Variants in SPIDR observed in about 807,000 individuals in gnomAD.
SPIDR encodes the protein DNA repair-scaffolding protein.
In SPIDR, 93 loss-of-function variants were observed where a neutral mutation model predicts 104.6. That is an observed-to-expected ratio of 0.89 (90% CI 0.75 to 1.06). The LOEUF (loss-of-function observed/expected upper bound fraction) is 1.06. SPIDR is among the 50% of genes least tolerant of loss of function. The pLI is 0.00. For missense variants in SPIDR, 1,154 were observed against 1,111.2 expected, an observed-to-expected ratio of 1.04 and a Z score of -0.55; for synonymous variants, 431 against 416.9, an observed-to-expected ratio of 1.03 and a Z score of -0.41.
chr8:47,441,910 T>C (rs1279301709), intron 8 of SPIDR, among the ~76,000 whole-genome samples: 5 of 152,208 alleles, frequency 3.3e-5, no homozygotes, highest in African/African-American at 1.2e-4. Flanking sequence ...ATTCTGTTTT[T>C]TCTTCATACA....
chr8:47,416,391 G>A (rs1186916047), intron 7 of SPIDR, among the ~76,000 whole-genome samples: 8 of 152,122 alleles, frequency 5.3e-5, no homozygotes, highest in African/African-American at 1.9e-4. Flanking sequence ...GTATTCCATG[G>A]TACAAATGTG....
At chr8:47,329,770 C>T (rs782501963) in intron 5 of SPIDR, among the ~76,000 whole-genome samples, 6 of 152,038 alleles carry the variant, frequency 3.9e-5, no homozygotes, top group Non-Finnish European at 8.8e-5. Context: ...TTAGATGACC[C>T]TTCTTATTTA....
In SPIDR at chr8:47,407,877, A is replaced by G. The variant is rs782639778; in HGVS notation, c.793A>G (p.Arg265Gly). Residue 265 changes from arginine (R) to glycine (G), a missense_variant, in exon 7 of 20, where the codon AGA (arginine) becomes GGA (glycine). Arg to Gly is a moderately radical substitution (Grantham distance 125). Transcript: ENST00000297423. The part of the protein sequence containing the change: ...KKLLRGGLAE[R>G]LNGLQNRERS... ...ATTAAACAGAGGTGGACTAGCAGAAAGACTAAATGGACTGCAGAATCGAGA... is the reference window on the plus strand; with the variant it reads ...ATTAAACAGAGGTGGACTAGCAGAAGGACTAAATGGACTGCAGAATCGAGA... The G allele has an allele frequency of 7.5e-6, 12 of 1,598,124 alleles. No homozygotes were observed. The highest frequency in any genetic ancestry group is 3.4e-5 in the Admixed American group (2 of 59,046).
intron 5 of SPIDR, among the ~76,000 whole-genome samples, chr8:47,381,408 T>C (rs1311040603): frequency 1.3e-5 from 2 of 152,332 alleles, no homozygotes; most frequent in East Asian, 3.9e-4. Flanking sequence ...ATTTTTGTTG[T>C]TGCTCTTACC....
At chr8:47,669,836 C>T (rs2075555929) in intron 10 of SPIDR, among the ~76,000 whole-genome samples, 3 of 152,196 alleles carry the variant, frequency 2.0e-5, no homozygotes, top group Admixed American at 2.0e-4. Flanking sequence ...CCCGTCTCTA[C>T]TAAAAATACA....
chr8:47,588,597 G>T (rs1200459743), intron 8 of SPIDR, among the ~76,000 whole-genome samples: 4 of 151,894 alleles, frequency 2.6e-5, no homozygotes, highest in Admixed American at 2.6e-4. Flanking sequence ...AGAACTTCTG[G>T]TACTATGTTG....
intron 8 of SPIDR, among the ~76,000 whole-genome samples, chr8:47,554,652 C>T (rs1003126270): frequency 3.3e-5 from 5 of 152,208 alleles, no homozygotes; most frequent in Non-Finnish European, 5.9e-5. Flanking sequence ...CTGTCTGTCA[C>T]GGCTTCCCTT....
intron 8 of SPIDR, among the ~76,000 whole-genome samples, chr8:47,458,753 A>G (rs1287681259): frequency 6.6e-6 from 1 of 152,104 alleles, no homozygotes; most frequent in African/African-American, 2.4e-5. Context: ...TTCCCCATTC[A>G]GTATTATGTT....
intron 7 of SPIDR, among the ~76,000 whole-genome samples, chr8:47,429,671 T>C (rs928097976): frequency 6.6e-6 from 1 of 151,968 alleles, no homozygotes; most frequent in Admixed American, 6.6e-5. Context: ...GGTCCAAACT[T>C]GGCCAGGGCT....
At chr8:47,726,077 G>A (rs1042297875) in intron 16 of SPIDR, among the ~76,000 whole-genome samples, 2 of 152,226 alleles carry the variant, frequency 1.3e-5, no homozygotes, top group African/African-American at 4.8e-5. Context: ...CTCCTCATGT[G>A]CCTGCCCATT....
chr8:47,703,447 T>C (rs1030482054), intron 14 of SPIDR, among the ~76,000 whole-genome samples: 3 of 152,322 alleles, frequency 2.0e-5, no homozygotes, highest in African/African-American at 7.2e-5. Context: ...TCAGGGGTAG[T>C]GGGCAGACTG....
intron 11 of SPIDR, among the ~76,000 whole-genome samples, chr8:47,685,264 A>G (rs1002921070): frequency 2.6e-5 from 4 of 152,136 alleles, no homozygotes; most frequent in African/African-American, 9.7e-5. Context: ...ATATGACAGC[A>G]TAAAAACAAA....
chr8:47,659,297 T>C (rs2073603096), intron 10 of SPIDR, among the ~76,000 whole-genome samples: 1 of 152,196 alleles, frequency 6.6e-6, no homozygotes, highest in Non-Finnish European at 1.5e-5. Flanking sequence ...CCCTCTTCTT[T>C]TGGTTGTCAC....
chr8:47,643,276 C>A (rs1289675136), intron 10 of SPIDR, among the ~76,000 whole-genome samples: 1 of 152,108 alleles, frequency 6.6e-6, no homozygotes. Flanking sequence ...AGGTATAACT[C>A]TTTACCTTCT....
chr8:47,623,224 T>C (rs888284785), intron 10 of SPIDR, among the ~76,000 whole-genome samples: 4 of 151,032 alleles, frequency 2.6e-5, no homozygotes, highest in African/African-American at 9.8e-5. Flanking sequence ...CCTAAAAGAG[T>C]TCCTGAAGGA....
At chr8:47,595,429 A>G (rs2061534438) in intron 8 of SPIDR, among the ~76,000 whole-genome samples, 1 of 152,220 alleles carries the variant, frequency 6.6e-6, no homozygotes, top group Non-Finnish European at 1.5e-5. Context: ...TCTTTGAAAG[A>G]GCTATCAAAA....
chr8:47,266,778 A>G (rs1206781498), intron 1 of SPIDR, among the ~76,000 whole-genome samples: 1 of 152,224 alleles, frequency 6.6e-6, no homozygotes, highest in African/African-American at 2.4e-5. Flanking sequence ...TACCCTTTTA[A>G]AGTGGAAAAT....
chr8:47,284,029 C>G lies in SPIDR; in HGVS notation c.191C>G (p.Ser64Ter), dbSNP rs1213315997. 5 of 1,607,998 alleles carry G rather than the reference C, an allele frequency of 3.1e-6. No homozygotes were observed. Among genetic ancestry groups the G allele is most frequent in the Non-Finnish European group, 4.2e-6 (5 of 1,177,280 alleles). The change falls in exon 3 of 20, where the codon TCA becomes TGA. Residue 64 changes from serine to a stop codon, truncating the protein, a stop_gained and splice_region_variant. Coordinates refer to ENST00000297423, the MANE Select transcript of SPIDR (RefSeq NM_001080394.4). LOFTEE classifies it high-confidence loss of function. Reference protein sequence around the residue: ...EGFQNTSGNPSLTAEEKTITE... With the variant: ...EGFQNTSGNP Reference sequence around the variant, plus strand: ...CCATGATTATTATTTTGCCTACAGTCATTAACAGCTGAAGAGAAGACGATT... The same window carrying G: ...CCATGATTATTATTTTGCCTACAGTGATTAACAGCTGAAGAGAAGACGATT...
intron 10 of SPIDR, among the ~76,000 whole-genome samples, chr8:47,658,877 A>C (rs2073481711): frequency 1.3e-5 from 2 of 150,126 alleles, no homozygotes; most frequent in African/African-American, 4.9e-5. Flanking sequence ...TGGAGATTGC[A>C]GTGAGCCAAG....
Sources: gnomAD v4.1 joint callset for allele counts (sites outside exome capture counted in the v4.1 genomes callset) on GRCh38, gnomAD v4.1.1 for gene constraint, MANE v1.5 for transcripts, NCBI Gene and HGNC (gene_info 2026-07-23, HGNC 2026-07-21) for gene names.